The following APPBP2 variants were observed in gnomAD, a reference collection of about 807,000 sequenced individuals.
APPBP2 encodes amyloid protein-binding protein 2.
APPBP2 carries 15 observed loss-of-function variants against 76.0 expected under a neutral mutation model. The observed-to-expected ratio is 0.20, with a 90% CI of 0.13 to 0.30. The LOEUF (loss-of-function observed/expected upper bound fraction) is 0.30. APPBP2 is among the 10% of genes least tolerant of loss of function. The pLI is 1.00. For missense variants in APPBP2, 401 were observed against 687.2 expected (o/e 0.58, Z 4.66); for synonymous variants, 222 against 242.2 (o/e 0.92, Z 0.77).
At chr17:60,471,982 C>T (rs982622661) in intron 4 of APPBP2, among the ~76,000 whole-genome samples, 15 of 152,062 alleles carry the variant, frequency 9.9e-5, no homozygotes, top group African/African-American at 3.1e-4. Context: ...AAAAATTAGC[C>T]AGGTGTGGTG....
chr17:60,504,634 G>A (rs754886762), intron 1 of APPBP2, among the ~76,000 whole-genome samples: 4 of 152,118 alleles, frequency 2.6e-5, no homozygotes, highest in East Asian at 1.9e-4. Context: ...CCAACATGGC[G>A]AAACCCTGAC....
intron 1 of APPBP2, among the ~76,000 whole-genome samples, chr17:60,521,771 TTA>T (rs991880665): frequency 6.6e-6 from 1 of 150,388 alleles, no homozygotes; most frequent in Non-Finnish European, 1.5e-5. Flanking sequence ...TCTTAAAACA[TTA>T]TGAGATTTTT....
chr17:60,461,835 A>C lies in APPBP2; in HGVS notation c.911T>G (p.Ile304Ser), dbSNP rs1429167190. 6.2e-7 allele frequency: 1 copy of C among 1,610,040 alleles called. No homozygotes were observed. Among genetic ancestry groups the C allele is most frequent in the Non-Finnish European group, 8.5e-7 (1 of 1,178,568 alleles). The change falls in exon 8 of 13, where the codon ATC becomes AGC. Residue 304 changes from isoleucine to serine, a missense_variant. Transcript: ENST00000083182. Reference sequence around the variant, plus strand: ...CTGATAAATTGCAACAGACTGACAGATATTATCTACATTGAGTAAGTAGAA... The same window carrying C: ...CTGATAAATTGCAACAGACTGACAGCTATTATCTACATTGAGTAAGTAGAA... ...YGFYLLNVDN[I>S]CQSVAIYQAA...
chr17:60,449,666 G>A (rs1463638075), intron 12 of APPBP2, among the ~76,000 whole-genome samples: 1 of 150,786 alleles, frequency 6.6e-6, no homozygotes, highest in Middle Eastern at 3.2e-3. Context: ...TCCATATGGG[G>A]AAAAAAATTG....
At position 60,495,694 on chromosome 17, in the gene APPBP2, G is replaced by A. The variant is rs368187240; in HGVS notation, c.228-1077C>T. Among the ~76,000 whole-genome samples the A allele has an allele frequency of 3.3e-5, 5 of 151,912 alleles. No individual in the cohort carries two copies. In the East Asian group the frequency reaches 5.8e-4, roughly 18 times the overall value. ...AAAACGGGAACCCTCATACATTGGC[G>A]GTGGGATTATAAAATGATATGGCTG... On this transcript the variant is annotated intron_variant, in intron 2 of 12. Transcript: ENST00000083182.
At chr17:60,489,271 G>T (rs935595294) in intron 3 of APPBP2, among the ~76,000 whole-genome samples, 1 of 150,638 alleles carries the variant, frequency 6.6e-6, no homozygotes, top group African/African-American at 2.4e-5. Flanking sequence ...AATATGCTCT[G>T]AAGTCCCTTC....
intron 3 of APPBP2, 115 bp downstream of exon 3, chr17:60,494,351 T>C: frequency 8.9e-7 from 1 of 1,126,242 alleles, no homozygotes; most frequent in Admixed American, 2.7e-5. Context: ...GTTCTGATGT[T>C]CTTCTCATAA....
intron 4 of APPBP2, among the ~76,000 whole-genome samples, chr17:60,477,013 G>T (rs1433627360): frequency 1.3e-5 from 2 of 152,132 alleles, no homozygotes; most frequent in African/African-American, 2.4e-5. Flanking sequence ...ATGTGTCCCA[G>T]TTTCCAGTTT....
intron 1 of APPBP2, among the ~76,000 whole-genome samples, chr17:60,517,749 T>A (rs573794047): frequency 6.6e-6 from 1 of 152,210 alleles, no homozygotes; most frequent in Admixed American, 6.5e-5. Flanking sequence ...TCAATCCATG[T>A]GCCAATACCA....
At chr17:60,505,127 T>TA (rs2090855924) in intron 1 of APPBP2, among the ~76,000 whole-genome samples, 1 of 152,240 alleles carries the variant, frequency 6.6e-6, no homozygotes, top group Admixed American at 6.5e-5. Context: ...ATAGGATTAA[T>TA]ATCTCAAATA....
intron 9 of APPBP2, among the ~76,000 whole-genome samples, chr17:60,458,520 C>CA (rs762402574): frequency 6.6e-6 from 1 of 151,722 alleles, no homozygotes; most frequent in Non-Finnish European, 1.5e-5. Context: ...TTAGAGTTAA[C>CA]AAAGTTTTTC....
chr17:60,498,174 G>GCTA (rs1399058775), intron 2 of APPBP2, among the ~76,000 whole-genome samples: 5 of 151,660 alleles, frequency 3.3e-5, no homozygotes, highest in African/African-American at 4.8e-5. Flanking sequence ...CAGATCTGTA[G>GCTA]CTACTACTAC....
intron 9 of APPBP2, among the ~76,000 whole-genome samples, chr17:60,459,007 G>A (rs780292135): frequency 1.3e-5 from 2 of 151,920 alleles, no homozygotes; most frequent in African/African-American, 2.4e-5. Flanking sequence ...TCCTGACCTC[G>A]TGATCTGCCC....
chr17:60,459,353 C>T (rs982015621), intron 9 of APPBP2, among the ~76,000 whole-genome samples: 3 of 152,146 alleles, frequency 2.0e-5, no homozygotes, highest in African/African-American at 7.2e-5. Flanking sequence ...AACTCAAGAG[C>T]GGTATAGGTA....
chr17:60,447,404 T>C lies in APPBP2; in HGVS notation c.*177A>G, dbSNP rs2090357394. On this transcript the variant is annotated 3_prime_UTR_variant, in exon 13 of 13. Coordinates refer to ENST00000083182, the MANE Select transcript of APPBP2 (RefSeq NM_006380.5). The stretch of plus-strand genomic sequence containing the variant: ...GCGGTACATGCTGAATATAACTGAA[T>C]ATATGCTTATTCCTACAGACATTCT... The C allele has an allele frequency of 6.5e-6, 4 of 619,214 alleles. No individual in the cohort carries two copies. In the Admixed American group the frequency reaches 1.4e-4, roughly 21 times the overall value. The allele number at this position is 619,214 out of a possible 1,614,324, so 38.4% of individuals were successfully genotyped here. A position where few individuals can be genotyped will look rare whatever the true frequency, so the allele number is the denominator to read the frequency against.
At chr17:60,510,354 G>C (rs1265241718) in intron 1 of APPBP2, among the ~76,000 whole-genome samples, 2 of 152,040 alleles carry the variant, frequency 1.3e-5, no homozygotes, top group East Asian at 3.9e-4. Context: ...AGTGAGTCAT[G>C]ATTATACCAC....
At position 60,502,708 on chromosome 17, in the gene APPBP2, A is replaced by C. The variant is rs544363419; in HGVS notation, c.139-2221T>G. ...TGTCTCTACTAAAAATATAAAAATT[A>C]AACAGGCCATGGTGGCAGGCACCTG... is the stretch of plus-strand genomic sequence containing the variant. On this transcript the variant is annotated intron_variant, in intron 1 of 12. Transcript: ENST00000083182. Among the ~76,000 whole-genome samples the C allele has an allele frequency of 7.5e-4, 110 of 146,096 alleles. 3 individuals carry two copies. Among genetic ancestry groups the C allele is most frequent in the Non-Finnish European group, 1.1e-3 (75 of 67,986 alleles).
chr17:60,525,843 C>G lies in APPBP2; in HGVS notation c.89G>C (p.Arg30Pro). ...AVVDNYIRSR[R>P]DIRSLPENIQ... is the part of the protein sequence containing the mutation. The stretch of plus-strand genomic sequence containing the variant: ...GTTCTCGGGCAAGGAGCGGATGTCT[C>G]GGCGGGAGCGGATGTAGTTGTCCAC... Residue 30 changes from arginine (R) to proline (P), a missense_variant, in exon 1 of 13, where the codon CGA becomes CCA. Arg to Pro is a moderately radical substitution (Grantham distance 103). Coordinates refer to ENST00000083182, the MANE Select transcript of APPBP2 (RefSeq NM_006380.5). 1.2e-6 allele frequency: 2 copies of G among 1,613,928 alleles called. No homozygotes were observed. The highest frequency in any genetic ancestry group is 1.7e-6 in the Non-Finnish European group (2 of 1,179,952).
intron 1 of APPBP2, among the ~76,000 whole-genome samples, chr17:60,502,529 C>G (rs1165054207): frequency 7.7e-6 from 1 of 130,444 alleles, no homozygotes; most frequent in Non-Finnish European, 1.5e-5. Context: ...TTTTCATTAT[C>G]AAACTTAAGG....
Sources: allele counts gnomAD v4.1 joint callset (sites outside exome capture counted in the v4.1 genomes callset), GRCh38; gene constraint gnomAD v4.1.1; transcripts MANE v1.5; gene names NCBI Gene and HGNC (gene_info 2026-07-23, HGNC 2026-07-21).